The following OLFML2B variants were observed in gnomAD, a reference collection of about 807,000 sequenced individuals.
OLFML2B encodes the protein olfactomedin-like protein 2B.
Under a neutral mutation model 74.9 loss-of-function variants are expected in OLFML2B, and 57 were observed. That is an observed-to-expected ratio of 0.76 (90% confidence interval 0.61 to 0.95). The LOEUF is 0.95. Ranked by LOEUF, OLFML2B falls within the 40% of genes least tolerant of loss-of-function variation. The pLI is 0.00. For missense variants in OLFML2B, 986 were observed against 970.6 expected (o/e 1.02, Z -0.21); for synonymous variants, 388 against 405.8 (o/e 0.96, Z 0.53).
chr1:161,985,645 C>T (rs1271975040), intron 6 of OLFML2B, among the ~76,000 whole-genome samples: 2 of 152,156 alleles, frequency 1.3e-5, no homozygotes, highest in Admixed American at 6.5e-5. Context: ...TGGGACCAGC[C>T]CTAGTGGAGC....
chr1:162,009,062 T>C (rs1296166278), intron 3 of OLFML2B, among the ~76,000 whole-genome samples: 1 of 152,182 alleles, frequency 6.6e-6, no homozygotes, highest in African/African-American at 2.4e-5. Context: ...TGCTCAGTGC[T>C]GCACTGAGGG....
intron 1 of OLFML2B, among the ~76,000 whole-genome samples, chr1:162,022,428 T>C (rs1440650523): frequency 1.3e-5 from 2 of 151,872 alleles, no homozygotes; most frequent in African/African-American, 2.4e-5. Context: ...TTTTGGTATT[T>C]TTAGTAGAGA....
chr1:162,009,340 G>A (rs1052881650), intron 3 of OLFML2B, among the ~76,000 whole-genome samples: 2 of 152,176 alleles, frequency 1.3e-5, no homozygotes, highest in Non-Finnish European at 1.5e-5. Context: ...ACACCTCTGG[G>A]TGGACTGACT....
At chr1:162,009,669 C>A (rs1690320495) in intron 3 of OLFML2B, among the ~76,000 whole-genome samples, 1 of 152,228 alleles carries the variant, frequency 6.6e-6, no homozygotes, top group Non-Finnish European at 1.5e-5. Flanking sequence ...CCTGAATAAA[C>A]AAGAGGCTGG....
chr1:161,997,746 C>T (rs1038463692), intron 6 of OLFML2B, 79 bp downstream of exon 6: 1 of 1,465,340 alleles, frequency 6.8e-7, no homozygotes, highest in Non-Finnish European at 9.2e-7. Flanking sequence ...TGGTGCCTCC[C>T]TCTCCTCTCA....
In OLFML2B at chr1:162,000,083, T is replaced by A. The variant is rs375399682; in HGVS notation, c.949+30A>T. The stretch of plus-strand genomic sequence containing the variant: ...ATGGTGACTTCCTCCCTACCCTGCC[T>A]CTGGGGCGGCCCTGTTGACCCCAAC... On this transcript the variant is annotated intron_variant, in intron 5 of 7. Transcript: ENST00000294794. 2.0e-5 allele frequency: 30 copies of A among 1,536,286 alleles called. No individual in the cohort carries two copies. The African/African-American group carries it at 3.0e-4, about 15-fold the overall frequency.
intron 7 of OLFML2B, 31 bp downstream of exon 7, chr1:161,984,773 G>A (rs778048577): frequency 1.2e-6 from 2 of 1,604,210 alleles, no homozygotes; most frequent in Non-Finnish European, 8.5e-7. Flanking sequence ...GGAAGGGAAG[G>A]AGCAGTCTGG....
intron 3 of OLFML2B, among the ~76,000 whole-genome samples, chr1:162,016,842 T>C (rs1441396403): frequency 6.6e-5 from 10 of 152,222 alleles, no homozygotes; most frequent in Admixed American, 6.5e-4. Context: ...CAGAATAGTA[T>C]GGTGTCTTTG....
chr1:161,998,157 G>A lies in OLFML2B; in HGVS notation c.1142C>T (p.Ser381Leu). The change falls in exon 6 of 8, where the codon TCA becomes TTA. Residue 381 changes from serine to leucine, a missense_variant. Physicochemically the swap from Ser to Leu is moderately radical, Grantham distance 145. Transcript: ENST00000294794. ...GGCATGGTTGGCGATGCTGGGATCT[G>A]AGGTCGAGGGCTGTGGCAGTGCTGA... ...WSSALPQPST[S>L]DPSIANHASV... The A allele has an allele frequency of 1.2e-6, 2 of 1,614,130 alleles. No homozygotes were observed. The highest frequency in any genetic ancestry group is 1.7e-6 in the Non-Finnish European group (2 of 1,180,050).
chr1:162,005,902 CAAA>C (rs71093139), intron 4 of OLFML2B, among the ~76,000 whole-genome samples: 53 of 77,894 alleles, frequency 6.8e-4, no homozygotes, highest in South Asian at 1.3e-3. Context: ...TGGAACCTAT[CAAA>C]AAAAAAAAAA....
At chr1:162,017,973 C>A (rs1429733936) in intron 2 of OLFML2B, among the ~76,000 whole-genome samples, 3 of 152,140 alleles carry the variant, frequency 2.0e-5, no homozygotes, top group Non-Finnish European at 4.4e-5. Flanking sequence ...GAGATCATGT[C>A]TTTTATGGGA....
At chr1:161,997,424 CT>C (rs1253309807) in intron 6 of OLFML2B, among the ~76,000 whole-genome samples, 3 of 152,182 alleles carry the variant, frequency 2.0e-5, no homozygotes, top group East Asian at 1.9e-4. Flanking sequence ...AAATCTGAGA[CT>C]TTCCCCCCAG....
At position 162,023,439 on chromosome 1, in the gene OLFML2B, C is replaced by T; in HGVS notation, c.-9G>A. On this transcript the variant is annotated 5_prime_UTR_variant, in exon 1 of 8. Transcript: ENST00000294794. ...AGCCGAGGCTTGGCCATGAGGGGCG[C>T]GATAAGAGTGTCCTCAGCCCCTTCA... is the stretch of plus-strand genomic sequence containing the variant. 6.5e-7 allele frequency: 1 copy of T among 1,541,840 alleles called. No homozygotes were observed. The highest frequency in any genetic ancestry group is 1.2e-5 in the South Asian group (1 of 81,910).
intron 5 of OLFML2B, among the ~76,000 whole-genome samples, chr1:161,999,532 G>A (rs7527826): frequency 0.4 from 60,609 of 151,964 alleles, 12,255 homozygotes; most frequent in East Asian, 0.55. Context: ...ACTGGGGAGA[G>A]GGGAAGAGTC....
At chr1:162,004,523 C>A (rs933743616) in intron 4 of OLFML2B, among the ~76,000 whole-genome samples, 1 of 152,032 alleles carries the variant, frequency 6.6e-6, no homozygotes, top group Non-Finnish European at 1.5e-5. Flanking sequence ...GTGGAGGCAC[C>A]ATATTCTTCT....
At chr1:162,006,536 G>C (rs1005869782) in intron 3 of OLFML2B, 63 bp from the exon 4 acceptor site, 1 of 1,315,502 alleles carries the variant, frequency 7.6e-7, no homozygotes, top group South Asian at 1.4e-5. Flanking sequence ...GAGGCAGCTA[G>C]CAGCCATCTT....
At position 161,984,259 on chromosome 1, in the gene OLFML2B, A is replaced by G. The variant is rs200652136; in HGVS notation, c.1669T>C (p.Tyr557His). The G allele has an allele frequency of 6.3e-4, 963 of 1,520,824 alleles. 9 individuals carry two copies. The South Asian group carries it at 8.2e-3, about 13-fold the overall frequency. The allele number at this position is 1,520,824 out of a possible 1,614,324, so 94.2% of individuals were successfully genotyped here. ...NFKQGRWSNS[Y>H]KLPYSWIGTG... is the part of the protein sequence containing the mutation. ...CCGATCCAGCTGTACGGGAGCTTGT[A>G]GGAATTGCTCCAGCGACCTGCAGGT... is the stretch of plus-strand genomic sequence containing the variant. The change falls in exon 8 of 8, where the codon TAC becomes CAC. Residue 557 changes from tyrosine to histidine, a missense_variant. Transcript: ENST00000294794.
intron 6 of OLFML2B, among the ~76,000 whole-genome samples, chr1:161,994,729 A>G (rs1419992626): frequency 6.6e-6 from 1 of 152,194 alleles, no homozygotes; most frequent in Non-Finnish European, 1.5e-5. Context: ...CTAGAGCTAC[A>G]CTACGGCCAA....
At chr1:161,987,033 C>G (rs1689611578) in intron 6 of OLFML2B, among the ~76,000 whole-genome samples, 1 of 152,250 alleles carries the variant, frequency 6.6e-6, no homozygotes, top group Non-Finnish European at 1.5e-5. Context: ...CACCAAGGCT[C>G]TGCAGTGGCA....
Sources: allele counts gnomAD v4.1 joint callset (sites outside exome capture counted in the v4.1 genomes callset), GRCh38; gene constraint gnomAD v4.1.1; transcripts MANE v1.5; gene names NCBI Gene and HGNC (gene_info 2026-07-23, HGNC 2026-07-21).